NDUFA5: variants seen among roughly 807,000 people sequenced by gnomAD.
NDUFA5 encodes the protein NADH:ubiquinone oxidoreductase subunit A5, also known as NADH dehydrogenase [ubiquinone] 1 alpha subcomplex subunit 5.
NDUFA5 carries 11 observed loss-of-function variants against 19.8 expected under a neutral mutation model. That is an observed-to-expected ratio of 0.56 (90% CI 0.35 to 0.92). The LOEUF (loss-of-function observed/expected upper bound fraction) is 0.92, where lower values mean the gene tolerates loss of function less well. NDUFA5 is among the 40% of genes least tolerant of loss of function. The pLI is 0.01. For synonymous variants in NDUFA5, 47 were observed against 46.8 expected (o/e 1.00, Z -0.01); for missense variants, 109 against 134.2 (o/e 0.81, Z 0.93).
intron 4 of NDUFA5, 59 bp downstream of exon 4, chr7:123,545,552 G>T: frequency 7.5e-7 from 1 of 1,325,302 alleles, no homozygotes; most frequent in South Asian, 1.2e-5. Flanking sequence ...TTTCATTCTA[G>T]AACGTCAGTT....
the NDUFA5 span, among the ~76,000 whole-genome samples, chr7:123,570,892 G>C: frequency 1.3e-5 from 2 of 152,112 alleles, no homozygotes; most frequent in African/African-American, 4.8e-5. Flanking sequence ...AGAACTCTCA[G>C]CAGGAATATA....
the NDUFA5 span, among the ~76,000 whole-genome samples, chr7:123,578,670 C>T: frequency 6.6e-6 from 1 of 152,064 alleles, no homozygotes; most frequent in Non-Finnish European, 1.5e-5. Flanking sequence ...TTTACCACAG[C>T]AATTTCATTC....
At position 123,553,059 on chromosome 7, in the gene NDUFA5, G is replaced by A. The variant is rs137983373; in HGVS notation, c.67-2473C>T. ...CACGCAACACCAGCCCCAGACAGTCGCTACCCGCGAAAAAATATACTCAGT... is the reference window on the plus strand; with the variant it reads ...CACGCAACACCAGCCCCAGACAGTCACTACCCGCGAAAAAATATACTCAGT... On this transcript the variant is annotated intron_variant, in intron 2 of 4. Transcript: ENST00000355749. 2.8e-4 allele frequency among the ~76,000 whole-genome samples: 43 copies of A among 152,170 alleles called. No homozygotes were observed. In the East Asian group the frequency reaches 3.3e-3, roughly 12 times the overall value.
the NDUFA5 span, among the ~76,000 whole-genome samples, chr7:123,567,423 A>T: frequency 6.6e-6 from 1 of 152,152 alleles, no homozygotes; most frequent in African/African-American, 2.4e-5. Flanking sequence ...CATTTTACAA[A>T]ATTTGCTTTG....
chr7:123,583,652 T>G, the NDUFA5 span, among the ~76,000 whole-genome samples: 1 of 151,964 alleles, frequency 6.6e-6, no homozygotes, highest in East Asian at 1.9e-4. Context: ...GAAAGATTTT[T>G]TCGGAGAGAA....
the NDUFA5 span, among the ~76,000 whole-genome samples, chr7:123,590,121 T>C: frequency 1.3e-5 from 2 of 152,202 alleles, no homozygotes; most frequent in Non-Finnish European, 2.9e-5. Flanking sequence ...ATGTCTTCTT[T>C]TGAGAAGTGT....
the NDUFA5 span, among the ~76,000 whole-genome samples, chr7:123,592,738 G>A: frequency 6.6e-6 from 1 of 152,188 alleles, no homozygotes; most frequent in Non-Finnish European, 1.5e-5. Flanking sequence ...GTGCGATGTG[G>A]TGCTGAGAAG....
At chr7:123,598,217 A>G in the NDUFA5 span, among the ~76,000 whole-genome samples, 1 of 152,310 alleles carries the variant, frequency 6.6e-6, no homozygotes, top group Non-Finnish European at 1.5e-5. Flanking sequence ...TATCTAGACT[A>G]TAAGTCCTGT....
At chr7:123,556,964 T>C in intron 2 of NDUFA5, 1 of 448,240 alleles carries the variant, frequency 2.2e-6, no homozygotes, top group Non-Finnish European at 4.4e-6. Flanking sequence ...AAAAATTTTG[T>C]GGGTTTTTTT....
At chr7:123,586,764 T>C in the NDUFA5 span, among the ~76,000 whole-genome samples, 1 of 151,802 alleles carries the variant, frequency 6.6e-6, no homozygotes, top group African/African-American at 2.4e-5. Flanking sequence ...ATTTCATATA[T>C]GTGGATATCC....
upstream of NDUFA5, among the ~76,000 whole-genome samples, chr7:123,562,252 A>T (rs78501206): frequency 0.043 from 6,502 of 152,120 alleles, 202 homozygotes; most frequent in Non-Finnish European, 0.068. Context: ...GGCAGACTAG[A>T]TTTAGCATCA....
chr7:123,574,002 G>C, the NDUFA5 span, among the ~76,000 whole-genome samples: 1 of 152,128 alleles, frequency 6.6e-6, no homozygotes, highest in East Asian at 1.9e-4. Context: ...CTAGTAATAT[G>C]ATAGACCAAA....
chr7:123,542,809 G>A (rs1797987900), intron 4 of NDUFA5, among the ~76,000 whole-genome samples: 1 of 152,042 alleles, frequency 6.6e-6, no homozygotes, highest in African/African-American at 2.4e-5. Context: ...TTTACTAACT[G>A]AGTAAATTCC....
chr7:123,578,468 A>C, the NDUFA5 span, among the ~76,000 whole-genome samples: 60,948 of 151,608 alleles, frequency 0.4, 12,436 homozygotes, highest in African/African-American at 0.45. Flanking sequence ...TTTTTCTGGA[A>C]CTTTGTTTCC....
chr7:123,590,649 C>T, the NDUFA5 span, among the ~76,000 whole-genome samples: 1 of 152,128 alleles, frequency 6.6e-6, no homozygotes, highest in Non-Finnish European at 1.5e-5. Flanking sequence ...GGTGTTATTT[C>T]TGAGGCCTCT....
the NDUFA5 span, among the ~76,000 whole-genome samples, chr7:123,586,865 A>G: frequency 6.6e-6 from 1 of 151,680 alleles, no homozygotes; most frequent in East Asian, 1.9e-4. Flanking sequence ...TTATACATTT[A>G]TGGGTTTATT....
chr7:123,601,358 G>A, the NDUFA5 span, among the ~76,000 whole-genome samples: 4 of 152,026 alleles, frequency 2.6e-5, no homozygotes, highest in Non-Finnish European at 4.4e-5. Flanking sequence ...ATCTCCGTCT[G>A]TATATCAGAC....
At chr7:123,592,248 C>T in the NDUFA5 span, among the ~76,000 whole-genome samples, 1 of 151,714 alleles carries the variant, frequency 6.6e-6, no homozygotes, top group Non-Finnish European at 1.5e-5. Flanking sequence ...CAAAAAACCA[C>T]CTCTTGGATT....
At chr7:123,561,865 G>A (rs1798692975), upstream of NDUFA5, among the ~76,000 whole-genome samples, 1 of 151,508 alleles carries the variant, frequency 6.6e-6, no homozygotes, top group Admixed American at 6.6e-5. Context: ...CAAAGTGCTA[G>A]GATTACAAGC....
Sources: gnomAD v4.1 joint callset for allele counts (sites outside exome capture counted in the v4.1 genomes callset) on GRCh38, gnomAD v4.1.1 for gene constraint, MANE v1.5 for transcripts, NCBI Gene and HGNC (gene_info 2026-07-23, HGNC 2026-07-21) for gene names.